Variants in AMTN observed in about 807,000 individuals in gnomAD.
AMTN encodes amelotin.
Under a neutral mutation model 27.4 loss-of-function variants are expected in AMTN, and 29 were observed. The ratio of observed to expected loss-of-function variants is 1.06; its 90% CI spans 0.79 to 1.44. The LOEUF is 1.44. Among genes scored for constraint, AMTN ranks in the 40% most tolerant of loss-of-function variants. The probability of loss-of-function intolerance (pLI) is 0.00; values close to 1 mark genes in which losing one functional copy is unlikely to be tolerated. For synonymous variants in AMTN, 86 were observed against 95.7 expected (o/e 0.90, Z 0.59); for missense variants, 247 against 248.8 (o/e 0.99, Z 0.05).
intron 2 of AMTN, among the ~76,000 whole-genome samples, 178 bp downstream of exon 2, chr4:70,519,009 T>C (rs1392660756): frequency 1.3e-5 from 2 of 152,234 alleles, no homozygotes; most frequent in African/African-American, 4.8e-5. Flanking sequence ...TTGGTACATA[T>C]TTCAATGTAC....
intron 7 of AMTN, 102 bp from the exon 8 acceptor site, chr4:70,530,937 C>A: frequency 1.4e-6 from 2 of 1,462,098 alleles, no homozygotes; most frequent in Non-Finnish European, 1.8e-6. Flanking sequence ...TCTGACTTTA[C>A]TCTCTCCATC....
In AMTN at chr4:70,528,826, C is replaced by T. The variant is rs1477214842; in HGVS notation, c.330+68C>T. 3.2e-5 allele frequency: 43 copies of T among 1,329,118 alleles called. 1 individual carries two copies. The Admixed American group carries it at 8.9e-4, about 28-fold the overall frequency. The allele number at this position is 1,329,118 out of a possible 1,614,324, so 82.3% of individuals were successfully genotyped here. On this transcript the variant is annotated intron_variant, in intron 6 of 8. Coordinates refer to ENST00000339336, the MANE Select transcript of AMTN (RefSeq NM_212557.4). ...GCTGTGAAAGGTGATTTTCTTTCCT[C>T]AATTCACTAGATAGTTGTGAGGTTT...
intron 7 of AMTN, 102 bp downstream of exon 7, chr4:70,529,312 G>A: frequency 3.8e-6 from 3 of 791,944 alleles, no homozygotes; most frequent in Non-Finnish European, 5.6e-6. Flanking sequence ...AATATGGTAT[G>A]TACTACAATG....
chr4:70,524,066 AAG>A, intron 4 of AMTN, 133 bp downstream of exon 4: 1 of 663,804 alleles, frequency 1.5e-6, no homozygotes, highest in Non-Finnish European at 2.5e-6. Context: ...TCACATAGAT[AAG>A]TTGAAAGAGA....
chr4:70,531,810 C>T (rs1268264110), intron 8 of AMTN, among the ~76,000 whole-genome samples: 1 of 152,178 alleles, frequency 6.6e-6, no homozygotes, highest in African/African-American at 2.4e-5. Flanking sequence ...CCGCACCTGA[C>T]CATACAAGCT....
chr4:70,529,341 TTCCTTACATTAGATTA>T, intron 7 of AMTN, 131 bp downstream of exon 7: 1 of 518,792 alleles, frequency 1.9e-6, no homozygotes, highest in South Asian at 6.8e-5. Flanking sequence ...ATTTTTATAG[TTCCTTACATTAGATTA>T]TCCTTTCTTT....
In AMTN at chr4:70,522,834, A is replaced by G. The variant is rs7660807; in HGVS notation, c.134A>G (p.Asn45Ser). The G allele has an allele frequency of 0.091, 146,440 of 1,613,322 alleles. 7,933 individuals carry two copies. The highest frequency in any genetic ancestry group is 0.19 in the East Asian group (8,539 of 44,854). The change falls in exon 3 of 9, where the codon AAT (asparagine) becomes AGT (serine). Residue 45 changes from asparagine (N) to serine (S), a missense_variant. Asn to Ser is a conservative substitution (Grantham distance 46). Coordinates refer to ENST00000339336, the MANE Select transcript of AMTN (RefSeq NM_212557.4). ...QGTLPNQQQSNQVFPSLSLIP... is the reference protein window; with the variant it reads ...QGTLPNQQQSSQVFPSLSLIP... ...ACACTACCAAACCAACAGCAGTCAAATCAGGTAAGAGTCCTACAATATGGA... is the reference window on the plus strand; with the variant it reads ...ACACTACCAAACCAACAGCAGTCAAGTCAGGTAAGAGTCCTACAATATGGA...
At chr4:70,523,348 T>C (rs1250513849) in intron 3 of AMTN, among the ~76,000 whole-genome samples, 2 of 152,132 alleles carry the variant, frequency 1.3e-5, no homozygotes, top group African/African-American at 4.8e-5. Context: ...GAAAACTGCA[T>C]TATCTTTTGG....
chr4:70,530,468 T>C (rs1037200064), intron 7 of AMTN, among the ~76,000 whole-genome samples: 3 of 152,194 alleles, frequency 2.0e-5, no homozygotes, highest in Non-Finnish European at 2.9e-5. Context: ...TTCCCAAACT[T>C]CATTCCTTGC....
At chr4:70,522,024 C>T (rs1735983115) in intron 2 of AMTN, among the ~76,000 whole-genome samples, 1 of 152,120 alleles carries the variant, frequency 6.6e-6, no homozygotes, top group Non-Finnish European at 1.5e-5. Context: ...GCCAGAGGGC[C>T]ACACCCCTGT....
intron 6 of AMTN, 36 bp from the exon 7 acceptor site, chr4:70,529,148 G>C: frequency 6.6e-7 from 1 of 1,511,316 alleles, no homozygotes; most frequent in Non-Finnish European, 8.9e-7. Context: ...ACATTAAAAT[G>C]TGTCTAACAA....
At chr4:70,523,766 C>T in intron 3 of AMTN, 102 bp from the exon 4 acceptor site, 1 of 1,007,636 alleles carries the variant, frequency 9.9e-7, no homozygotes, top group Non-Finnish European at 1.5e-6. Context: ...ATGGTAAACC[C>T]ACCTCTGACA....
rs773335972 is a variant in AMTN at position 70,531,144 on chromosome 4, G to C, written c.463G>C (p.Ala155Pro). ...NPDVQDGSLP[A>P]GGAGVNPATQ... The stretch of plus-strand genomic sequence containing the variant: ...AGATGTCCAGGATGGAAGCCTTCCA[G>C]CAGGAGGAGCAGGTGTAAATCCTGC... The change falls in exon 8 of 9, where the codon GCA (alanine) becomes CCA (proline). Residue 155 changes from alanine to proline, a missense_variant. Coordinates refer to ENST00000339336, the MANE Select transcript of AMTN (RefSeq NM_212557.4). The C allele has an allele frequency of 1.9e-6, 3 of 1,613,922 alleles. No individual in the cohort carries two copies. The highest frequency in any genetic ancestry group is 2.2e-5 in the East Asian group (1 of 44,828).
chr4:70,529,176 G>T lies in AMTN; in HGVS notation c.331-8G>T. 2.6e-6 allele frequency: 4 copies of T among 1,553,836 alleles called. No homozygotes were observed. Among genetic ancestry groups the T allele is most frequent in the East Asian group, 4.7e-5 (2 of 42,932 alleles). On this transcript the variant is annotated splice_region_variant and splice_polypyrimidine_tract_variant and intron_variant, in intron 6 of 8. Coordinates refer to ENST00000339336, the MANE Select transcript of AMTN (RefSeq NM_212557.4). ...TCTAACAAATTGTGTTTGTCATTTT[G>T]CTTTTAGGGCACTATCCTAAGCTCA...
chr4:70,532,319 C>A, intron 8 of AMTN, 136 bp from the exon 9 acceptor site: 6 of 645,860 alleles, frequency 9.3e-6, no homozygotes, highest in African/African-American at 1.9e-5. Context: ...TGTCTAGAAC[C>A]AAATATCCTT....
Position 70,522,853 on chromosome 4 carries a change from A to T in AMTN, c.138+15A>T. 6.2e-7 allele frequency: 1 copy of T among 1,610,348 alleles called. No homozygotes were observed. Among genetic ancestry groups the T allele is most frequent in the Non-Finnish European group, 8.5e-7 (1 of 1,176,660 alleles). On this transcript the variant is annotated intron_variant, in intron 3 of 8. Coordinates refer to ENST00000339336, the MANE Select transcript of AMTN (RefSeq NM_212557.4). ...AGTCAAATCAGGTAAGAGTCCTACA[A>T]TATGGAACATGTACAAACCGGTAAA...
In AMTN at chr4:70,528,151, AT is replaced by A. The variant is rs199511568; in HGVS notation, c.295-563del. 7.3e-5 allele frequency among the ~76,000 whole-genome samples: 11 copies of A among 151,404 alleles called. No homozygotes were observed. The South Asian group carries it at 1.3e-3, about 17-fold the overall frequency. ...TCAGTTTGGAGACTTCTTGAGAACA[AT>A]TTTTTTTTGTTGTTTATCCAGTTTA... On this transcript the variant is annotated intron_variant, in intron 5 of 8. Coordinates refer to ENST00000339336, the MANE Select transcript of AMTN (RefSeq NM_212557.4).
At chr4:70,526,207 T>G (rs1230815013) in intron 5 of AMTN, among the ~76,000 whole-genome samples, 1 of 152,182 alleles carries the variant, frequency 6.6e-6, no homozygotes. Context: ...GTCCTTCCAG[T>G]CTTTTTTCTA....
At chr4:70,526,103 A>C (rs1350683008) in intron 5 of AMTN, among the ~76,000 whole-genome samples, 4 of 152,120 alleles carry the variant, frequency 2.6e-5, no homozygotes, top group African/African-American at 9.7e-5. Flanking sequence ...AGGAAATGTA[A>C]ATTTTCTAAA....
Sources: allele counts gnomAD v4.1 joint callset (sites outside exome capture counted in the v4.1 genomes callset), GRCh38; gene constraint gnomAD v4.1.1; transcripts MANE v1.5; gene names NCBI Gene and HGNC (gene_info 2026-07-23, HGNC 2026-07-21).